Variants in KATNIP observed in about 807,000 individuals in gnomAD.
KATNIP encodes the protein katanin interacting protein.
Under a neutral mutation model 174.0 loss-of-function variants are expected in KATNIP, and 126 were observed. The ratio of observed to expected loss-of-function variants is 0.72; its 90% CI spans 0.63 to 0.84. KATNIP has a LOEUF of 0.84. Among genes scored for constraint, KATNIP ranks in the 40% least tolerant of loss-of-function variants. The pLI is 0.00. For synonymous variants in KATNIP, 810 were observed against 835.7 expected (o/e 0.97, Z 0.53); for missense variants, 1,958 against 2,109.7 (o/e 0.93, Z 1.41).
At chr16:27,633,553 A>G (rs555601584) in intron 5 of KATNIP, among the ~76,000 whole-genome samples, 2 of 151,928 alleles carry the variant, frequency 1.3e-5, no homozygotes, top group South Asian at 2.1e-4. Flanking sequence ...CGGCCTCCCA[A>G]AGTGCTGAGA....
At position 27,761,496 on chromosome 16, in the gene KATNIP, C is replaced by T. The variant is rs1211317036; in HGVS notation, c.3715C>T (p.Gln1239Ter). 3.1e-6 allele frequency: 5 copies of T among 1,614,110 alleles called. No individual in the cohort carries two copies. Among genetic ancestry groups the T allele is most frequent in the Non-Finnish European group, 4.2e-6 (5 of 1,180,010 alleles). Residue 1239 changes from glutamine to a stop codon, truncating the protein, a stop_gained, in exon 19 of 28, where the codon CAG becomes TAG. Coordinates refer to ENST00000261588, the MANE Select transcript of KATNIP (RefSeq NM_015202.5). LOFTEE classifies it high-confidence loss of function. ...TGLEVVGKEG[Q>*]ALPIHLHQIS... is the part of the protein sequence containing the mutation. ...CCTGGAAGTGGTGGGCAAGGAGGGC[C>T]AGGCGCTGCCCATCCACCTGCACCA...
At chr16:27,572,787 C>G (rs1313424544) in intron 1 of KATNIP, among the ~76,000 whole-genome samples, 1 of 152,200 alleles carries the variant, frequency 6.6e-6, no homozygotes, top group Non-Finnish European at 1.5e-5. Flanking sequence ...TTCTCCCATA[C>G]CATGATACTG....
intron 8 of KATNIP, among the ~76,000 whole-genome samples, chr16:27,689,569 A>G (rs1477239708): frequency 6.6e-6 from 1 of 152,060 alleles, no homozygotes; most frequent in Non-Finnish European, 1.5e-5. Flanking sequence ...TCAGGGAGAG[A>G]CAGTGGCAGA....
At chr16:27,555,145 G>A (rs963220213) in intron 1 of KATNIP, among the ~76,000 whole-genome samples, 2 of 152,130 alleles carry the variant, frequency 1.3e-5, no homozygotes, top group African/African-American at 4.8e-5. Flanking sequence ...ATTGGATAAA[G>A]TGAAGCATAC....
At chr16:27,752,908 G>A (rs2081571981) in intron 17 of KATNIP, among the ~76,000 whole-genome samples, 1 of 152,144 alleles carries the variant, frequency 6.6e-6, no homozygotes, top group South Asian at 2.1e-4. Context: ...TTCAAGTCAG[G>A]ACCAATAGGA....
At position 27,637,920 on chromosome 16, in the gene KATNIP, G is replaced by A. The variant is rs1337730682; in HGVS notation, c.408+6758G>A. Among the ~76,000 whole-genome samples the A allele has an allele frequency of 6.6e-6, 1 of 152,144 alleles. No individual in the cohort carries two copies. The highest frequency in any genetic ancestry group is 1.5e-5 in the Non-Finnish European group (1 of 68,022). On this transcript the variant is annotated intron_variant, in intron 5 of 27. Coordinates refer to ENST00000261588, the MANE Select transcript of KATNIP (RefSeq NM_015202.5). The surrounding 1 kb of genome is among the most constrained non-coding windows in gnomAD (Gnocchi z 4.7). ...AGGACCAGGAAGCCTTTGAAGCAGG[G>A]CTACGTCTCTCTCCACCAACCTTCC...
intron 6 of KATNIP, among the ~76,000 whole-genome samples, chr16:27,668,000 G>C (rs957408664): frequency 5.3e-5 from 8 of 152,162 alleles, no homozygotes; most frequent in Non-Finnish European, 1.0e-4. Flanking sequence ...GGAGTTTAAT[G>C]CTTCATCCAC....
At chr16:27,582,932 A>G (rs1328138272) in intron 2 of KATNIP, among the ~76,000 whole-genome samples, 3 of 152,192 alleles carry the variant, frequency 2.0e-5, no homozygotes, top group African/African-American at 7.2e-5. Flanking sequence ...AGAGAAGGAC[A>G]CAGATTGGGC....
intron 6 of KATNIP, among the ~76,000 whole-genome samples, chr16:27,650,907 C>T (rs969446454): frequency 6.6e-5 from 10 of 152,172 alleles, no homozygotes; most frequent in African/African-American, 2.4e-4. Flanking sequence ...ACTCAAATCC[C>T]AAACAACACA....
At chr16:27,694,928 C>G (rs1247586108) in intron 8 of KATNIP, among the ~76,000 whole-genome samples, 2 of 152,162 alleles carry the variant, frequency 1.3e-5, no homozygotes, top group Non-Finnish European at 2.9e-5. Context: ...CCAGCTTGTC[C>G]CAAATTGAGC....
Position 27,698,429 on chromosome 16 carries a change from C to G in KATNIP, c.1042C>G (p.Gln348Glu). 6.2e-7 allele frequency: 1 copy of G among 1,613,606 alleles called. No homozygotes were observed. The highest frequency in any genetic ancestry group is 8.5e-7 in the Non-Finnish European group (1 of 1,179,832). The change falls in exon 9 of 28, where the codon CAG becomes GAG. Residue 348 changes from glutamine to glutamate, a missense_variant. Physicochemically the swap from Gln to Glu is conservative, Grantham distance 29. Around this residue, in one of 3 missense-constraint regions of KATNIP, gnomAD observed 1,557 missense variants for 1,617.8 expected, o/e 0.96. Transcript: ENST00000261588. ...TGCCTCTGCTGTGCTCCAAGCCATC[C>G]AGGTGGAGAACGCAGCCCTGCAGAG... ...EDASAVLQAI[Q>E]VENAALQRAL...
chr16:27,708,631 G>A (rs1350209799), intron 12 of KATNIP, 74 bp from the exon 13 acceptor site: 1 of 1,214,668 alleles, frequency 8.2e-7, no homozygotes, highest in African/African-American at 1.5e-5. Flanking sequence ...TTTGAAGGCA[G>A]TGGTGGCAGA....
chr16:27,687,161 CTCA>C (rs1256273898), intron 8 of KATNIP: 1 of 152,234 alleles, frequency 6.6e-6, no homozygotes, highest in African/African-American at 2.4e-5. Context: ...TGTGGCAGCT[CTCA>C]TCAGAATCAG....
At position 27,766,369 on chromosome 16, in the gene KATNIP, G is replaced by C; in HGVS notation, c.3870G>C (p.Ser1290=). The change falls in exon 20 of 28, where the codon TCG becomes TCC. Residue 1290 remains serine, a synonymous_variant. Coordinates refer to ENST00000261588, the MANE Select transcript of KATNIP (RefSeq NM_015202.5). ...EDEHMWLIPF[S]PGLDHVVTIR... The stretch of plus-strand genomic sequence containing the variant: ...AGCATATGTGGCTGATCCCCTTCTC[G>C]CCGGGGCTGGACCATGTGGTCACGA... 1 of 1,614,156 alleles carries C rather than the reference G, an allele frequency of 6.2e-7. No homozygotes were observed. The highest frequency in any genetic ancestry group is 8.5e-7 in the Non-Finnish European group (1 of 1,180,038).
At chr16:27,559,851 C>T (rs1048674557) in intron 1 of KATNIP, among the ~76,000 whole-genome samples, 3 of 149,860 alleles carry the variant, frequency 2.0e-5, no homozygotes, top group Non-Finnish European at 4.4e-5. Context: ...CATGGTGGCA[C>T]CTGCCTATAA....
At chr16:27,728,603 G>A (rs1209439840) in intron 14 of KATNIP, among the ~76,000 whole-genome samples, 1 of 152,082 alleles carries the variant, frequency 6.6e-6, no homozygotes, top group East Asian at 1.9e-4. Flanking sequence ...GCTAATTTTC[G>A]TATTTTCAGT....
At position 27,631,160 on chromosome 16, in the gene KATNIP, C is replaced by G. The variant is rs1354729479; in HGVS notation, c.406C>G (p.Gln136Glu). The G allele has an allele frequency of 1.3e-6, 2 of 1,563,056 alleles. No homozygotes were observed. The highest frequency in any genetic ancestry group is 2.7e-5 in the African/African-American group (2 of 73,818). Residue 136 changes from glutamine to glutamate, a missense_variant and splice_region_variant, in exon 5 of 28, where the codon CAG becomes GAG. Physicochemically the swap from Gln to Glu is conservative, Grantham distance 29 (BLOSUM62 2). This residue lies in a region of KATNIP where 1,557 missense variants were observed against 1,617.8 expected (regional missense o/e 0.96). Coordinates refer to ENST00000261588, the MANE Select transcript of KATNIP (RefSeq NM_015202.5). ...TAAAGTCCAGCGCCGAGGATGGCAC[C>G]AGGTCTGGAGACTGTGGCCCCAGCC... is the stretch of plus-strand genomic sequence containing the variant. ...PSKVQRRGWH[Q>E]KSVQIRTEAG...
intron 1 of KATNIP, among the ~76,000 whole-genome samples, chr16:27,562,742 C>T (rs2089935078): frequency 6.6e-6 from 1 of 152,160 alleles, no homozygotes; most frequent in South Asian, 2.1e-4. Flanking sequence ...GCCTGGGAAG[C>T]GTGTTGTCAC....
intron 15 of KATNIP, among the ~76,000 whole-genome samples, chr16:27,745,878 G>C (rs1402744398): frequency 6.6e-6 from 1 of 151,186 alleles, no homozygotes; most frequent in Non-Finnish European, 1.5e-5. Flanking sequence ...TTCCCATGGA[G>C]TCTGCAGACA....
Sources: gnomAD v4.1 joint callset for allele counts (sites outside exome capture counted in the v4.1 genomes callset) on GRCh38, gnomAD v4.1.1 for gene constraint, gnomAD v4.1.1 regional missense constraint, Gnocchi (gnomAD v3.1) non-coding constraint, MANE v1.5 for transcripts, NCBI Gene and HGNC (gene_info 2026-07-23, HGNC 2026-07-21) for gene names.